HPSE2: variants seen among roughly 807,000 people sequenced by gnomAD.
HPSE2 encodes the protein inactive heparanase-2.
In HPSE2, 38 loss-of-function variants were observed where a neutral mutation model predicts 60.5. The ratio of observed to expected loss-of-function variants is 0.63; its 90% CI spans 0.48 to 0.82. The LOEUF (loss-of-function observed/expected upper bound fraction) is 0.82. Among genes scored for constraint, HPSE2 ranks in the 40% least tolerant of loss-of-function variants. The pLI is 0.00. For synonymous variants in HPSE2, 295 were observed against 293.2 expected, an observed-to-expected ratio of 1.01 and a Z score of -0.06; for missense variants, 713 against 740.4, an observed-to-expected ratio of 0.96 and a Z score of 0.43.
chr10:98,885,018 C>G (rs1953126923), intron 3 of HPSE2, among the ~76,000 whole-genome samples: 2 of 152,132 alleles, frequency 1.3e-5, no homozygotes, highest in Admixed American at 1.3e-4. Context: ...AATTGAAAAC[C>G]TATGGAAATG....
chr10:98,757,843 T>A (rs1046494828), intron 3 of HPSE2, among the ~76,000 whole-genome samples: 25 of 152,098 alleles, frequency 1.6e-4, no homozygotes, highest in African/African-American at 5.8e-4. Flanking sequence ...AAAAATATTT[T>A]AAAATTCATA....
intron 3 of HPSE2, among the ~76,000 whole-genome samples, chr10:99,117,814 T>C (rs1844771436): frequency 6.6e-6 from 1 of 152,168 alleles, no homozygotes; most frequent in Non-Finnish European, 1.5e-5. Context: ...CTGTTCCTAC[T>C]GAAACTATTC....
intron 3 of HPSE2, among the ~76,000 whole-genome samples, chr10:98,779,104 T>C (rs1279903840): frequency 6.6e-6 from 1 of 152,150 alleles, no homozygotes; most frequent in Admixed American, 6.6e-5. Flanking sequence ...AGCTCCTCTT[T>C]CGGTTACTAG....
At chr10:99,111,349 C>G (rs958188539) in intron 3 of HPSE2, among the ~76,000 whole-genome samples, 1 of 152,020 alleles carries the variant, frequency 6.6e-6, no homozygotes, top group South Asian at 2.1e-4. Context: ...ATTTTGTATT[C>G]TTTTTCTTAA....
chr10:98,804,214 G>A (rs1054322257), intron 3 of HPSE2, among the ~76,000 whole-genome samples: 6 of 151,996 alleles, frequency 3.9e-5, no homozygotes, highest in Non-Finnish European at 8.8e-5. Context: ...AGCTTAAGGA[G>A]ATTTTGGCAA....
At chr10:99,275,809 A>G in the HPSE2 span, among the ~76,000 whole-genome samples, 9 of 152,134 alleles carry the variant, frequency 5.9e-5, no homozygotes, top group Non-Finnish European at 1.0e-4. Context: ...ACCAGCTCAG[A>G]GCAGGCTCCT....
chr10:98,693,152 C>T (rs1948122744), intron 6 of HPSE2, among the ~76,000 whole-genome samples: 1 of 152,146 alleles, frequency 6.6e-6, no homozygotes, highest in Non-Finnish European at 1.5e-5. Context: ...GAGAGCACCA[C>T]ATTAGACAAG....
intron 6 of HPSE2, among the ~76,000 whole-genome samples, chr10:98,682,085 G>A (rs554784770): frequency 2.6e-5 from 4 of 152,234 alleles, no homozygotes; most frequent in African/African-American, 9.6e-5. Flanking sequence ...GGGCCTGGTG[G>A]GAGGTGACTG....
At chr10:98,924,361 G>A (rs113703424) in intron 3 of HPSE2, 3,292 of 152,416 alleles carry the variant, frequency 0.022, 61 homozygotes, top group Non-Finnish European at 0.033. Flanking sequence ...GGCCCTTCCC[G>A]TCAGGGTAGT....
intron 3 of HPSE2, among the ~76,000 whole-genome samples, chr10:98,979,817 G>A (rs1476981144): frequency 6.6e-6 from 1 of 152,068 alleles, no homozygotes; most frequent in East Asian, 1.9e-4. Flanking sequence ...GGATATTTAA[G>A]CAACAAAAGC....
intron 3 of HPSE2, among the ~76,000 whole-genome samples, chr10:98,983,235 C>T (rs1471844446): frequency 6.6e-6 from 1 of 152,120 alleles, no homozygotes; most frequent in African/African-American, 2.4e-5. Flanking sequence ...AATTATACAA[C>T]TCACCATAAT....
At chr10:98,690,501 T>A (rs1764353) in intron 6 of HPSE2, among the ~76,000 whole-genome samples, 53,731 of 151,908 alleles carry the variant, frequency 0.35, 9,738 homozygotes, top group Admixed American at 0.41. Context: ...GATCGTGCCA[T>A]TGCACTCCAG....
rs146153780 is a variant in HPSE2 at position 98,876,622 on chromosome 10, A to G, written c.611-132566T>C. Among the ~76,000 whole-genome samples the G allele has an allele frequency of 1.1e-4, 16 of 152,038 alleles. No individual in the cohort carries two copies. In the East Asian group the frequency reaches 2.9e-3, roughly 28 times the overall value. On this transcript the variant is annotated intron_variant, in intron 3 of 11. Transcript: ENST00000370552. ...TTCAGCCATCCCATAGCCTAACTCT[A>G]TGCAGACTGAGGGTGGATTTTTTTA...
intron 3 of HPSE2, among the ~76,000 whole-genome samples, chr10:98,906,475 C>T (rs1355823418): frequency 6.6e-6 from 1 of 151,730 alleles, no homozygotes; most frequent in Non-Finnish European, 1.5e-5. Flanking sequence ...GACAGAGGTG[C>T]CAAAGGAACA....
At chr10:98,796,398 G>T (rs1476487443) in intron 3 of HPSE2, among the ~76,000 whole-genome samples, 2 of 152,196 alleles carry the variant, frequency 1.3e-5, no homozygotes, top group African/African-American at 4.8e-5. Flanking sequence ...AACCTCCCAT[G>T]GGCTGCTGAT....
chr10:98,999,638 C>T (rs928060449), intron 3 of HPSE2, among the ~76,000 whole-genome samples: 5 of 151,774 alleles, frequency 3.3e-5, no homozygotes, highest in East Asian at 1.9e-4. Flanking sequence ...TGGAGAGGAA[C>T]GGGAAAAGCA....
intron 2 of HPSE2, among the ~76,000 whole-genome samples, chr10:99,160,107 C>T (rs1469352399): frequency 1.4e-5 from 2 of 143,210 alleles, no homozygotes; most frequent in African/African-American, 5.0e-5. Flanking sequence ...CACCACTGCA[C>T]TCTAGACTCT....
chr10:99,167,738 T>C (rs1847139114), intron 2 of HPSE2, among the ~76,000 whole-genome samples: 1 of 152,234 alleles, frequency 6.6e-6, no homozygotes, highest in South Asian at 2.1e-4. Context: ...TGTGTATTCA[T>C]GTCCATATAT....
At chr10:98,676,431 C>G (rs1399514281) in intron 6 of HPSE2, among the ~76,000 whole-genome samples, 1 of 152,152 alleles carries the variant, frequency 6.6e-6, no homozygotes, top group East Asian at 1.9e-4. Context: ...AAATACTGTT[C>G]CCTTTTGGAG....
Sources: gnomAD v4.1 joint callset for allele counts (sites outside exome capture counted in the v4.1 genomes callset) on GRCh38, gnomAD v4.1.1 for gene constraint, MANE v1.5 for transcripts, NCBI Gene and HGNC (gene_info 2026-07-23, HGNC 2026-07-21) for gene names.